The following MYH15 variants were observed in gnomAD, a reference collection of about 807,000 sequenced individuals.
MYH15 encodes the protein myosin-15.
Under a neutral mutation model 240.5 loss-of-function variants are expected in MYH15, and 227 were observed. The observed-to-expected ratio is 0.94, with a 90% CI of 0.85 to 1.05. The LOEUF (loss-of-function observed/expected upper bound fraction) is 1.05. MYH15 is among the 50% of genes least tolerant of loss of function. MYH15 has a pLI of 0.00. For missense variants in MYH15, 2,217 were observed against 2,247.5 expected (o/e 0.99, Z 0.27); for synonymous variants, 785 against 796.7 (o/e 0.99, Z 0.25).
chr3:108,415,681 C>G (rs1448394879), intron 29 of MYH15, among the ~76,000 whole-genome samples: 1 of 152,136 alleles, frequency 6.6e-6, no homozygotes, highest in East Asian at 1.9e-4. Flanking sequence ...CTCATCATCC[C>G]TCTAAGACTT....
intron 27 of MYH15, among the ~76,000 whole-genome samples, chr3:108,423,064 G>C (rs562221589): frequency 6.6e-6 from 1 of 152,258 alleles, no homozygotes; most frequent in South Asian, 2.1e-4. Context: ...GGTTTGATTA[G>C]GTGAAAAGGA....
chr3:108,548,295 A>C, the MYH15 span, among the ~76,000 whole-genome samples: 1 of 152,194 alleles, frequency 6.6e-6, no homozygotes, highest in African/African-American at 2.4e-5. Context: ...AGAAAAAGAT[A>C]TATCAGGCCA....
intron 3 of MYH15, among the ~76,000 whole-genome samples, chr3:108,501,376 C>G (rs1466859297): frequency 6.6e-6 from 1 of 152,168 alleles, no homozygotes; most frequent in Non-Finnish European, 1.5e-5. Context: ...CCCCCAAGCT[C>G]CCATGGAAAG....
At chr3:108,430,737 G>A (rs2082771739) in intron 26 of MYH15, 95 bp downstream of exon 26, 2 of 934,900 alleles carry the variant, frequency 2.1e-6, no homozygotes, top group Admixed American at 3.9e-5. Flanking sequence ...TTGGCTAAGG[G>A]TATGAATACC....
At chr3:108,532,020 G>C (rs1391364334), upstream of MYH15, among the ~76,000 whole-genome samples, 2 of 152,030 alleles carry the variant, frequency 1.3e-5, no homozygotes, top group African/African-American at 4.8e-5. Context: ...GTAATTTTTA[G>C]GGAAGCACTG....
chr3:108,436,819 C>CA (rs1247897733), intron 25 of MYH15, among the ~76,000 whole-genome samples: 1 of 152,158 alleles, frequency 6.6e-6, no homozygotes, highest in Non-Finnish European at 1.5e-5. Context: ...TCTTCATCCT[C>CA]ACTGTTTTCT....
At chr3:108,390,151 T>C (rs754808863) in intron 37 of MYH15, among the ~76,000 whole-genome samples, 1 of 151,880 alleles carries the variant, frequency 6.6e-6, no homozygotes, top group Non-Finnish European at 1.5e-5. Context: ...CTTAAGAATT[T>C]TGGGGGGGGA....
chr3:108,485,272 T>A (rs1268177601), intron 10 of MYH15, 43 bp from the exon 11 acceptor site: 1 of 1,609,864 alleles, frequency 6.2e-7, no homozygotes, highest in Non-Finnish European at 8.5e-7. Context: ...ATTTGCTTAA[T>A]GGCTGCAGTG....
upstream of MYH15, among the ~76,000 whole-genome samples, chr3:108,533,136 T>TC (rs1491205992): frequency 6.8e-6 from 1 of 147,828 alleles, no homozygotes; most frequent in Admixed American, 6.7e-5. Context: ...TTTTTTTTTT[T>TC]TCATGAGTAT....
chr3:108,494,077 G>C (rs147638911), intron 7 of MYH15, among the ~76,000 whole-genome samples: 1 of 152,216 alleles, frequency 6.6e-6, no homozygotes, highest in African/African-American at 2.4e-5. Flanking sequence ...GTGGGATCAG[G>C]ATGCTGGAAC....
Position 108,477,228 on chromosome 3 carries a change from A to G in MYH15, c.1115-713T>C, listed in dbSNP as rs1018464234. Among the ~76,000 whole-genome samples the G allele has an allele frequency of 3.3e-5, 5 of 152,190 alleles. No homozygotes were observed. The East Asian group carries it at 9.6e-4, about 29-fold the overall frequency. ...TGAAAGGAGTCAGACACGAAAGGCC[A>G]CATATTGCAGGATTCCATTTCTATG... On this transcript the variant is annotated intron_variant, in intron 11 of 40. Transcript: ENST00000693548.
At position 108,463,520 on chromosome 3, in the gene MYH15, G is replaced by T. The variant is rs530274136; in HGVS notation, c.1732-277C>A. On this transcript the variant is annotated intron_variant, in intron 15 of 40. Coordinates refer to ENST00000693548, the MANE Select transcript of MYH15 (RefSeq NM_014981.3). ...TTTATTTATTTTGTGTATGTGTGGA[G>T]ATTTGGTTTCCACATGTTGCTCGGT... 1.1e-4 allele frequency among the ~76,000 whole-genome samples: 17 copies of T among 152,086 alleles called. No homozygotes were observed. The South Asian group carries it at 3.5e-3, about 32-fold the overall frequency.
intron 11 of MYH15, among the ~76,000 whole-genome samples, chr3:108,484,692 C>T (rs926515539): frequency 6.6e-5 from 10 of 152,094 alleles, no homozygotes; most frequent in Non-Finnish European, 4.4e-5. Flanking sequence ...ATTGGCCAGG[C>T]TGGTCTTGAA....
At chr3:108,550,426 T>C in the MYH15 span, 4 of 151,434 alleles carry the variant, frequency 2.6e-5, no homozygotes, top group Non-Finnish European at 5.9e-5. Context: ...CTATGCAACA[T>C]TTGAAAAAAG....
At chr3:108,486,816 A>C (rs2083309763) in intron 9 of MYH15, among the ~76,000 whole-genome samples, 1 of 152,306 alleles carries the variant, frequency 6.6e-6, no homozygotes, top group African/African-American at 2.4e-5. Context: ...ACAAACAACA[A>C]CAACAACAAC....
At chr3:108,507,324 T>C (rs1398360718) in intron 1 of MYH15, among the ~76,000 whole-genome samples, 1 of 144,116 alleles carries the variant, frequency 6.9e-6, no homozygotes, top group Admixed American at 7.0e-5. Flanking sequence ...AGTCCCCAGG[T>C]CACAGCTACT....
the MYH15 span, among the ~76,000 whole-genome samples, chr3:108,536,778 G>A: frequency 6.6e-6 from 1 of 152,206 alleles, no homozygotes; most frequent in Non-Finnish European, 1.5e-5. Flanking sequence ...ATATTAGAAT[G>A]TACACTTACG....
intron 32 of MYH15, 123 bp downstream of exon 32, chr3:108,408,157 T>C: frequency 1.9e-6 from 2 of 1,080,688 alleles, no homozygotes; most frequent in Non-Finnish European, 2.6e-6. Context: ...TTTGGCAGAG[T>C]GCCTAGCATA....
In MYH15 at chr3:108,424,191, C is replaced by T. The variant is rs575739125; in HGVS notation, c.3703-2977G>A. 6.6e-5 allele frequency among the ~76,000 whole-genome samples: 10 copies of T among 152,320 alleles called. No individual in the cohort carries two copies. In the East Asian group the frequency reaches 1.9e-3, roughly 29 times the overall value. On this transcript the variant is annotated intron_variant, in intron 27 of 40. Transcript: ENST00000693548. ...CCCAGTTTTTCAAGAGAGGTCTCCA[C>T]GTGGTGAAGGCCAGCTGGGCTGTGT... is the stretch of plus-strand genomic sequence containing the variant.
Sources: gnomAD v4.1 joint callset for allele counts (sites outside exome capture counted in the v4.1 genomes callset) on GRCh38, gnomAD v4.1.1 for gene constraint, MANE v1.5 for transcripts, NCBI Gene and HGNC (gene_info 2026-07-23, HGNC 2026-07-21) for gene names.